The following EIPR1 variants were observed in gnomAD, a reference collection of about 807,000 sequenced individuals.
The protein encoded by EIPR1 is EARP complex and GARP complex interacting protein 1, also known as EARP and GARP complex-interacting protein 1.
In EIPR1, 25 loss-of-function variants were observed where a neutral mutation model predicts 48.1. The ratio of observed to expected loss-of-function variants is 0.52; its 90% CI spans 0.38 to 0.73. The LOEUF (loss-of-function observed/expected upper bound fraction) is 0.73, where lower values mean the gene tolerates loss of function less well. EIPR1 is among the 30% of genes least tolerant of loss of function. EIPR1 has a pLI of 0.00. For synonymous variants in EIPR1, 204 were observed against 201.9 expected, an observed-to-expected ratio of 1.01 and a Z score of -0.09; for missense variants, 415 against 506.2, an observed-to-expected ratio of 0.82 and a Z score of 1.73.
intron 2 of EIPR1, among the ~76,000 whole-genome samples, chr2:3,349,668 G>T (rs528623421): frequency 4.9e-4 from 74 of 150,726 alleles, no homozygotes; most frequent in African/African-American, 1.7e-3. Context: ...GAGCATGCTG[G>T]GAGATGGGGA....
intron 1 of EIPR1, among the ~76,000 whole-genome samples, chr2:3,376,954 C>T (rs543690808): frequency 2.0e-5 from 3 of 152,308 alleles, no homozygotes; most frequent in Non-Finnish European, 1.5e-5. Flanking sequence ...TTTACTCTAT[C>T]CACGGCAGCT....
intron 3 of EIPR1, among the ~76,000 whole-genome samples, chr2:3,330,926 A>AC (rs879597111): frequency 0.046 from 6,118 of 132,488 alleles, 194 homozygotes; most frequent in East Asian, 0.066. Flanking sequence ...AGAGACTGGC[A>AC]AGTGTACACT....
At chr2:3,261,188 T>G (rs903548744) in intron 3 of EIPR1, among the ~76,000 whole-genome samples, 1 of 151,732 alleles carries the variant, frequency 6.6e-6, no homozygotes, top group Non-Finnish European at 1.5e-5. Flanking sequence ...CCAAGGAAGC[T>G]CAACTGGCAG....
At chr2:3,376,672 C>T (rs908631247) in intron 1 of EIPR1, among the ~76,000 whole-genome samples, 3 of 135,558 alleles carry the variant, frequency 2.2e-5, no homozygotes, top group African/African-American at 5.6e-5. Context: ...GCCTGGGCAA[C>T]GGAGCAAGAC....
rs114517286 is a variant in EIPR1, at chr2:3,355,538, G to A, written c.43-905C>T. Among the ~76,000 whole-genome samples the A allele has an allele frequency of 1.4e-3, 208 of 152,302 alleles. 1 individual carries two copies. The highest frequency in any genetic ancestry group is 4.8e-3 in the African/African-American group (200 of 41,570). Reference sequence around the variant, plus strand: ...ATAGCCAGTCATAAGGCCAAGCATGGTGGCTCACACCTCTAATCTCAGCAC... The same window carrying A: ...ATAGCCAGTCATAAGGCCAAGCATGATGGCTCACACCTCTAATCTCAGCAC... On this transcript the variant is annotated intron_variant, in intron 1 of 8. Coordinates refer to ENST00000382125, the MANE Select transcript of EIPR1 (RefSeq NM_003310.5).
chr2:3,340,308 C>G (rs989432321), intron 2 of EIPR1, among the ~76,000 whole-genome samples: 1 of 152,208 alleles, frequency 6.6e-6, no homozygotes, highest in Non-Finnish European at 1.5e-5. Context: ...CCGCCAGCAC[C>G]GGGTCCTGGG....
chr2:3,221,932 A>G (rs1572320676), intron 4 of EIPR1, among the ~76,000 whole-genome samples: 1 of 152,156 alleles, frequency 6.6e-6, no homozygotes, highest in South Asian at 2.1e-4. Flanking sequence ...TTCACGTCCT[A>G]AGGAGCTGAT....
intron 4 of EIPR1, among the ~76,000 whole-genome samples, chr2:3,225,940 G>A (rs1354857468): frequency 6.6e-6 from 1 of 152,170 alleles, no homozygotes; most frequent in Non-Finnish European, 1.5e-5. Context: ...CTCCAGGTTC[G>A]TCCATATTGT....
At chr2:3,210,269 G>A (rs935625988) in intron 5 of EIPR1, among the ~76,000 whole-genome samples, 1 of 152,158 alleles carries the variant, frequency 6.6e-6, no homozygotes, top group Non-Finnish European at 1.5e-5. Flanking sequence ...AGCATTGCCA[G>A]CCACCTCCAC....
At chr2:3,301,658 A>G (rs1380434983) in intron 3 of EIPR1, among the ~76,000 whole-genome samples, 1 of 152,240 alleles carries the variant, frequency 6.6e-6, no homozygotes, top group Admixed American at 6.5e-5. Context: ...TGGTCTTATA[A>G]TATTTGTTTG....
intron 3 of EIPR1, among the ~76,000 whole-genome samples, chr2:3,308,419 CA>C (rs1346062388): frequency 6.6e-6 from 1 of 152,048 alleles, no homozygotes; most frequent in Non-Finnish European, 1.5e-5. Flanking sequence ...AGTTCAATAG[CA>C]GCACAATAAA....
chr2:3,254,942 C>T (rs1012947512), intron 4 of EIPR1, among the ~76,000 whole-genome samples: 2 of 152,206 alleles, frequency 1.3e-5, no homozygotes, highest in African/African-American at 4.8e-5. Context: ...TGCAGTGTTA[C>T]TATTGGGGAA....
chr2:3,360,705 G>A (rs922764808), intron 1 of EIPR1, among the ~76,000 whole-genome samples: 2 of 152,198 alleles, frequency 1.3e-5, no homozygotes, highest in Non-Finnish European at 2.9e-5. Flanking sequence ...GTAGCAAACC[G>A]TGTCCATTAA....
chr2:3,318,206 G>T (rs1279101054), intron 3 of EIPR1, among the ~76,000 whole-genome samples: 1 of 152,226 alleles, frequency 6.6e-6, no homozygotes, highest in Non-Finnish European at 1.5e-5. Context: ...ACACATGTGG[G>T]GTTGAGGGAG....
chr2:3,208,498 T>C, intron 5 of EIPR1: 14 of 1,529,110 alleles, frequency 9.2e-6, no homozygotes, highest in Non-Finnish European at 1.2e-5. Flanking sequence ...CCCAATTATA[T>C]GATGAGGAGG....
At chr2:3,278,244 C>T (rs1027728713) in intron 3 of EIPR1, among the ~76,000 whole-genome samples, 1 of 152,128 alleles carries the variant, frequency 6.6e-6, no homozygotes, top group Non-Finnish European at 1.5e-5. Context: ...CACCTGCATC[C>T]CTGCATCCTG....
chr2:3,203,220 G>T (rs1010876609), intron 5 of EIPR1, among the ~76,000 whole-genome samples: 1 of 152,228 alleles, frequency 6.6e-6, no homozygotes, highest in African/African-American at 2.4e-5. Context: ...CAGAGCCAGG[G>T]TGAATGATAA....
At chr2:3,290,608 T>C (rs2103273018) in intron 3 of EIPR1, among the ~76,000 whole-genome samples, 1 of 152,344 alleles carries the variant, frequency 6.6e-6, no homozygotes, top group East Asian at 1.9e-4. Context: ...AGAATTCATT[T>C]GGCCATGAAT....
chr2:3,193,496 T>C (rs531492243), intron 7 of EIPR1, among the ~76,000 whole-genome samples: 20 of 152,370 alleles, frequency 1.3e-4, no homozygotes, highest in Admixed American at 8.5e-4. Context: ...TACAACTTGA[T>C]CTTTTTACTT....
Sources: gnomAD v4.1 joint callset for allele counts (sites outside exome capture counted in the v4.1 genomes callset) on GRCh38, gnomAD v4.1.1 for gene constraint, MANE v1.5 for transcripts, NCBI Gene and HGNC (gene_info 2026-07-23, HGNC 2026-07-21) for gene names.